The following TRAPPC9 variants were observed in gnomAD, a reference collection of about 807,000 sequenced individuals.
TRAPPC9 encodes the protein IKK2 binding protein.
A neutral mutation model predicts 124.0 loss-of-function variants in TRAPPC9; 83 were observed. The ratio of observed to expected loss-of-function variants is 0.67; its 90% CI spans 0.56 to 0.80. The LOEUF is 0.80. Among genes scored for constraint, TRAPPC9 ranks in the 30% least tolerant of loss-of-function variants. The pLI is 0.00. For missense variants in TRAPPC9, 1,302 were observed against 1,508.3 expected (o/e 0.86, Z 2.27); for synonymous variants, 638 against 617.5 (o/e 1.03, Z -0.49).
At chr8:140,374,046 T>C (rs956957554) in intron 7 of TRAPPC9, among the ~76,000 whole-genome samples, 1 of 152,272 alleles carries the variant, frequency 6.6e-6, no homozygotes, top group Non-Finnish European at 1.5e-5. Flanking sequence ...CTTTTTCTTC[T>C]ATGGTTAGTG....
intron 16 of TRAPPC9, among the ~76,000 whole-genome samples, chr8:140,228,723 A>G (rs2063510662): frequency 6.6e-6 from 1 of 152,204 alleles, no homozygotes; most frequent in Non-Finnish European, 1.5e-5. Context: ...CTTGTTCTAA[A>G]CTTAGACTGT....
chr8:140,321,102 A>G lies in TRAPPC9; in HGVS notation c.1496-9728T>C, dbSNP rs543599655. Reference sequence around the variant, plus strand: ...GACAGAAGGGAAGCTCGCTGAGAGGAGCACAGTTGCCTGTGGCACCACTTC... The same window carrying G: ...GACAGAAGGGAAGCTCGCTGAGAGGGGCACAGTTGCCTGTGGCACCACTTC... On this transcript the variant is annotated intron_variant, in intron 9 of 22. Coordinates refer to ENST00000438773, the MANE Select transcript of TRAPPC9 (RefSeq NM_001160372.4). 2.6e-3 allele frequency among the ~76,000 whole-genome samples: 397 copies of G among 152,368 alleles called. 2 individuals carry two copies. The highest frequency in any genetic ancestry group is 0.015 in the South Asian group (71 of 4,830).
At chr8:139,822,139 C>T (rs749549433) in intron 21 of TRAPPC9, among the ~76,000 whole-genome samples, 3 of 152,288 alleles carry the variant, frequency 2.0e-5, no homozygotes, top group Non-Finnish European at 2.9e-5. Context: ...CATTACCTGG[C>T]GCTGAGCTGG....
Position 140,176,265 on chromosome 8 carries a change from C to G in TRAPPC9, c.2556+45194G>C, listed in dbSNP as rs370024075. On this transcript the variant is annotated intron_variant, in intron 17 of 22. Transcript: ENST00000438773. Reference sequence around the variant, plus strand: ...GGTGTATCCACTTGCACAACTAACACGTAGAGTATTCCCATCACCCCTAAA... The same window carrying G: ...GGTGTATCCACTTGCACAACTAACAGGTAGAGTATTCCCATCACCCCTAAA... Among the ~76,000 whole-genome samples the G allele has an allele frequency of 1.8e-3, 276 of 152,292 alleles. 1 individual carries two copies. Among genetic ancestry groups the G allele is most frequent in the African/African-American group, 6.2e-3 (258 of 41,568 alleles).
At chr8:140,297,433 A>G (rs955429372) in intron 11 of TRAPPC9, among the ~76,000 whole-genome samples, 3 of 152,204 alleles carry the variant, frequency 2.0e-5, no homozygotes, top group Non-Finnish European at 4.4e-5. Flanking sequence ...GCATACACAC[A>G]CATACACACA....
chr8:139,843,845 G>C (rs1403985188), intron 21 of TRAPPC9, among the ~76,000 whole-genome samples: 1 of 152,248 alleles, frequency 6.6e-6, no homozygotes, highest in Admixed American at 6.5e-5. Context: ...CACTGCATGA[G>C]AATAAATCTG....
At chr8:139,880,422 C>T (rs1361368125) in intron 21 of TRAPPC9, among the ~76,000 whole-genome samples, 1 of 152,200 alleles carries the variant, frequency 6.6e-6, no homozygotes, top group Non-Finnish European at 1.5e-5. Flanking sequence ...ACCCCTGCTA[C>T]CCAGTTCAGC....
At chr8:140,417,079 T>A (rs539555620) in intron 5 of TRAPPC9, among the ~76,000 whole-genome samples, 2 of 152,310 alleles carry the variant, frequency 1.3e-5, no homozygotes, top group South Asian at 4.1e-4. Context: ...CAAGATGGAT[T>A]AAAGACTTAA....
intron 17 of TRAPPC9, among the ~76,000 whole-genome samples, chr8:140,127,603 T>A (rs930366016): frequency 6.6e-6 from 1 of 152,196 alleles, no homozygotes; most frequent in Non-Finnish European, 1.5e-5. Context: ...TAGAATCATG[T>A]TAAGGATGCA....
chr8:139,989,899 G>A (rs528977136), intron 18 of TRAPPC9, among the ~76,000 whole-genome samples: 7 of 152,178 alleles, frequency 4.6e-5, no homozygotes, highest in Admixed American at 1.3e-4. Context: ...CAGTCAGCAC[G>A]TAACAGGTCA....
chr8:139,784,606 G>GACAT (rs1255951224), intron 21 of TRAPPC9, among the ~76,000 whole-genome samples: 2 of 30,434 alleles, frequency 6.6e-5, no homozygotes, highest in African/African-American at 1.9e-4. Flanking sequence ...ATAAAAGACT[G>GACAT]ACATATATAT....
chr8:140,397,899 C>A (rs2069142104), intron 6 of TRAPPC9, among the ~76,000 whole-genome samples, 154 bp from the exon 7 acceptor site: 1 of 152,172 alleles, frequency 6.6e-6, no homozygotes, highest in African/African-American at 2.4e-5. Flanking sequence ...GGTTCTGTGT[C>A]CCCACCCAAA....
At chr8:140,155,863 A>G (rs925849140) in intron 17 of TRAPPC9, among the ~76,000 whole-genome samples, 3 of 152,204 alleles carry the variant, frequency 2.0e-5, no homozygotes, top group African/African-American at 7.2e-5. Context: ...GACACTTGCA[A>G]ACCTTTAAAA....
At chr8:139,908,212 C>A (rs1383975099) in intron 20 of TRAPPC9, among the ~76,000 whole-genome samples, 1 of 152,132 alleles carries the variant, frequency 6.6e-6, no homozygotes, top group Non-Finnish European at 1.5e-5. Context: ...AAAGAGAGAT[C>A]GTTCAGGAGA....
chr8:140,220,909 G>A (rs754258385), intron 17 of TRAPPC9, among the ~76,000 whole-genome samples: 1 of 152,150 alleles, frequency 6.6e-6, no homozygotes, highest in Non-Finnish European at 1.5e-5. Context: ...CAAACAGCCA[G>A]AGCTTCCCAT....
chr8:139,747,002 CG>C (rs1156947527), intron 21 of TRAPPC9, among the ~76,000 whole-genome samples: 1 of 152,102 alleles, frequency 6.6e-6, no homozygotes, highest in African/African-American at 2.4e-5. Flanking sequence ...GAAAAAGAAA[CG>C]GGGAAAAAAA....
rs184724115 is a variant in TRAPPC9, at chr8:140,104,759, G to A, written c.2557-80680C>T. On this transcript the variant is annotated intron_variant, in intron 17 of 22. Transcript: ENST00000438773. This position sits in a 1 kb window ranked among gnomAD's most constrained non-coding sequence, Gnocchi z 4.0. ...TAGTTACCCAGCTAACAGAAGAACG[G>A]TTCACACCGACAAGGTACTTCTTAA... Among the ~76,000 whole-genome samples, 1 of 152,324 alleles carries A rather than the reference G, an allele frequency of 6.6e-6. No homozygotes were observed. Among genetic ancestry groups the A allele is most frequent in the East Asian group, 1.9e-4 (1 of 5,192 alleles).
At chr8:140,037,686 CAT>C (rs762862984) in intron 17 of TRAPPC9, among the ~76,000 whole-genome samples, 132 of 150,058 alleles carry the variant, frequency 8.8e-4, no homozygotes, top group African/African-American at 2.7e-3. Flanking sequence ...CACACACACA[CAT>C]CCCACACACG....
intron 21 of TRAPPC9, among the ~76,000 whole-genome samples, chr8:139,830,328 A>T (rs1244465274): frequency 1.3e-5 from 2 of 151,836 alleles, no homozygotes; most frequent in Non-Finnish European, 2.9e-5. Context: ...ATGCATACAC[A>T]CAAGTGAATA....
Sources: allele counts gnomAD v4.1 joint callset (sites outside exome capture counted in the v4.1 genomes callset), GRCh38; gene constraint gnomAD v4.1.1; non-coding constraint Gnocchi (gnomAD v3.1); transcripts MANE v1.5; gene names NCBI Gene and HGNC (gene_info 2026-07-23, HGNC 2026-07-21).